The following ST6GALNAC3 variants were observed in gnomAD, a reference collection of about 807,000 sequenced individuals.
ST6GALNAC3 encodes alpha-N-acetylgalactosaminide alpha-2,6-sialyltransferase 3.
Under a neutral mutation model 32.7 loss-of-function variants are expected in ST6GALNAC3, and 25 were observed. The observed-to-expected ratio is 0.76, with a 90% CI of 0.56 to 1.07. The LOEUF is 1.07. Ranked by LOEUF, ST6GALNAC3 falls within the 50% of genes least tolerant of loss-of-function variation. The probability of loss-of-function intolerance (pLI) is 0.00; values close to 1 mark genes in which losing one functional copy is unlikely to be tolerated. For missense variants in ST6GALNAC3, 355 were observed against 382.4 expected (o/e 0.93, Z 0.60); for synonymous variants, 129 against 133.1 (o/e 0.97, Z 0.21).
chr1:76,607,743 A>G (rs1271269222), intron 3 of ST6GALNAC3, among the ~76,000 whole-genome samples: 2 of 152,174 alleles, frequency 1.3e-5, no homozygotes, highest in East Asian at 1.9e-4. Flanking sequence ...TGCAAGTCTT[A>G]TACAAACAGG....
At chr1:76,592,777 C>G (rs1442043280) in intron 3 of ST6GALNAC3, among the ~76,000 whole-genome samples, 1 of 152,218 alleles carries the variant, frequency 6.6e-6, no homozygotes, top group Non-Finnish European at 1.5e-5. Flanking sequence ...AGGTATTGAC[C>G]TTTTCAGGAC....
At chr1:76,198,324 C>T (rs1344638494) in intron 1 of ST6GALNAC3, among the ~76,000 whole-genome samples, 1 of 152,200 alleles carries the variant, frequency 6.6e-6, no homozygotes, top group Non-Finnish European at 1.5e-5. Context: ...GTGTGAGCCA[C>T]CATACCTGGC....
intron 1 of ST6GALNAC3, among the ~76,000 whole-genome samples, chr1:76,176,268 G>C (rs1652844850): frequency 6.6e-6 from 1 of 152,196 alleles, no homozygotes; most frequent in South Asian, 2.1e-4. Context: ...GAAGATGAAA[G>C]CCCACTGCCC....
chr1:76,097,280 CTTGAA>C (rs1204643239), intron 1 of ST6GALNAC3, among the ~76,000 whole-genome samples: 1 of 152,122 alleles, frequency 6.6e-6, no homozygotes, highest in Non-Finnish European at 1.5e-5. Flanking sequence ...CAAATCTTAT[CTTGAA>C]TTGAAGTTCC....
At chr1:76,472,541 A>G (rs553793115) in intron 3 of ST6GALNAC3, among the ~76,000 whole-genome samples, 1 of 152,216 alleles carries the variant, frequency 6.6e-6, no homozygotes, top group South Asian at 2.1e-4. Flanking sequence ...GGGACCACCC[A>G]AGCTAAAACC....
At chr1:76,458,689 A>G (rs1267220429) in intron 3 of ST6GALNAC3, among the ~76,000 whole-genome samples, 12 of 141,664 alleles carry the variant, frequency 8.5e-5, no homozygotes, top group South Asian at 2.2e-4. Flanking sequence ...GAACAATGAG[A>G]ACACATGGAC....
chr1:76,318,231 TTAAA>T lies in ST6GALNAC3; in HGVS notation c.213+4235_213+4238del, dbSNP rs575970819. 2.7e-3 allele frequency among the ~76,000 whole-genome samples: 418 copies of T among 152,058 alleles called. 2 individuals carry two copies. Among genetic ancestry groups the T allele is most frequent in the African/African-American group, 9.2e-3 (382 of 41,484 alleles). ...AACTGTGATGACTATTATAAAGGGG[TTAAA>T]TAGAAAGATCAAAATATTCCTCCCA... On this transcript the variant is annotated intron_variant, in intron 2 of 4. Transcript: ENST00000328299.
chr1:76,582,370 C>T (rs1482332116), intron 3 of ST6GALNAC3, among the ~76,000 whole-genome samples: 1 of 152,100 alleles, frequency 6.6e-6, no homozygotes, highest in African/African-American at 2.4e-5. Flanking sequence ...ATCTGAAAAG[C>T]AAGCATTCCA....
chr1:76,324,095 A>T (rs942785505), intron 2 of ST6GALNAC3, among the ~76,000 whole-genome samples: 2 of 152,154 alleles, frequency 1.3e-5, no homozygotes, highest in African/African-American at 4.8e-5. Context: ...CCTGAGCCTG[A>T]TCCGCCCGCC....
rs1314358918 is a variant in ST6GALNAC3 at position 76,633,821 on chromosome 1, C to T, written c.*5015C>T. The stretch of plus-strand genomic sequence containing the variant: ...AAAAGGATTTTTTTTTCTCTACAGT[C>T]CATTTATATGATACTGTTAGAAGTG... On this transcript the variant is annotated 3_prime_UTR_variant, in exon 5 of 5. Coordinates refer to ENST00000328299, the MANE Select transcript of ST6GALNAC3 (RefSeq NM_152996.4). 6.6e-6 allele frequency: 1 copy of T among 152,142 alleles called. No individual in the cohort carries two copies. The highest frequency in any genetic ancestry group is 6.5e-5 in the Admixed American group (1 of 15,270). 9.4% of individuals were successfully genotyped at this position (152,142 alleles called of 1,614,324 possible). A position where few individuals can be genotyped will look rare whatever the true frequency, so the allele number is the denominator to read the frequency against.
At chr1:76,186,417 T>A (rs1429039011) in intron 1 of ST6GALNAC3, among the ~76,000 whole-genome samples, 1 of 152,128 alleles carries the variant, frequency 6.6e-6, no homozygotes, top group Non-Finnish European at 1.5e-5. Context: ...TCTCAGGCAA[T>A]ATTCTAGGGC....
rs568971973 is a variant in ST6GALNAC3 at position 76,561,796 on chromosome 1, C to T, written c.624-65656C>T. ...AAATAAAAACACATCCACACAAAAACTTTTACATGCATTTTCAAAGCAGCA... is the reference window on the plus strand; with the variant it reads ...AAATAAAAACACATCCACACAAAAATTTTTACATGCATTTTCAAAGCAGCA... On this transcript the variant is annotated intron_variant, in intron 3 of 4. Coordinates refer to ENST00000328299, the MANE Select transcript of ST6GALNAC3 (RefSeq NM_152996.4). Among the ~76,000 whole-genome samples, 283 of 152,244 alleles carry T rather than the reference C, an allele frequency of 1.9e-3. 1 individual carries two copies. Among genetic ancestry groups the T allele is most frequent in the African/African-American group, 6.5e-3 (270 of 41,558 alleles).
At chr1:76,193,118 A>G (rs1334927675) in intron 1 of ST6GALNAC3, among the ~76,000 whole-genome samples, 5 of 152,184 alleles carry the variant, frequency 3.3e-5, no homozygotes, top group African/African-American at 1.2e-4. Flanking sequence ...TTAGGTAGAA[A>G]AAATATCTAA....
chr1:76,285,884 A>G (rs1053526652), intron 1 of ST6GALNAC3, among the ~76,000 whole-genome samples: 6 of 152,168 alleles, frequency 3.9e-5, no homozygotes, highest in African/African-American at 9.7e-5. Flanking sequence ...ACACACAAAG[A>G]GAGAAACAGG....
chr1:76,283,229 T>G (rs1659598230), intron 1 of ST6GALNAC3, among the ~76,000 whole-genome samples: 1 of 152,264 alleles, frequency 6.6e-6, no homozygotes, highest in South Asian at 2.1e-4. Flanking sequence ...TTTGTTGATG[T>G]TACAGAGTAT....
chr1:76,338,412 ATG>A (rs1334979947), intron 2 of ST6GALNAC3, among the ~76,000 whole-genome samples: 1 of 152,182 alleles, frequency 6.6e-6, no homozygotes, highest in Non-Finnish European at 1.5e-5. Flanking sequence ...GAACACATAA[ATG>A]TAGATAAAGA....
chr1:76,601,738 G>A (rs749406930), intron 3 of ST6GALNAC3, among the ~76,000 whole-genome samples: 1 of 152,144 alleles, frequency 6.6e-6, no homozygotes, highest in African/African-American at 2.4e-5. Flanking sequence ...TGGAATCAGC[G>A]ATCTAGAGAC....
At chr1:76,143,309 TATTAGCAAACTC>T (rs923480653) in intron 1 of ST6GALNAC3, among the ~76,000 whole-genome samples, 15 of 152,116 alleles carry the variant, frequency 9.9e-5, no homozygotes, top group Non-Finnish European at 5.9e-5. Flanking sequence ...TTGGCAGTCC[TATTAGCAAACTC>T]ATTTGTCAAA....
intron 1 of ST6GALNAC3, among the ~76,000 whole-genome samples, chr1:76,175,294 T>C (rs910064593): frequency 4.6e-5 from 7 of 152,182 alleles, no homozygotes; most frequent in African/African-American, 9.7e-5. Context: ...GGAGTACTTG[T>C]TTTTTCCTAC....
Sources: gnomAD v4.1 joint callset for allele counts (sites outside exome capture counted in the v4.1 genomes callset) on GRCh38, gnomAD v4.1.1 for gene constraint, MANE v1.5 for transcripts, NCBI Gene and HGNC (gene_info 2026-07-23, HGNC 2026-07-21) for gene names.